CRISP2: variants seen among roughly 807,000 people sequenced by gnomAD.
CRISP2 encodes the protein cysteine rich secretory protein 2.
CRISP2 carries 29 observed loss-of-function variants against 31.7 expected under a neutral mutation model. That is an observed-to-expected ratio of 0.92 (90% confidence interval 0.68 to 1.25). The LOEUF (loss-of-function observed/expected upper bound fraction) is 1.25, where lower values mean the gene tolerates loss of function less well. Ranked by LOEUF, CRISP2 falls within the 50% of genes most tolerant of loss-of-function variation. The pLI is 0.00. For synonymous variants in CRISP2, 111 were observed against 101.4 expected (o/e 1.09, Z -0.57); for missense variants, 318 against 286.5 (o/e 1.11, Z -0.79).
the CRISP2 span, among the ~76,000 whole-genome samples, chr6:49,680,996 A>C: frequency 6.6e-6 from 1 of 152,212 alleles, no homozygotes; most frequent in Non-Finnish European, 1.5e-5. Flanking sequence ...TCTTTAGTTT[A>C]ATCAGATCCC....
chr6:49,710,814 A>G (rs972830718), intron 3 of CRISP2, among the ~76,000 whole-genome samples: 2 of 152,180 alleles, frequency 1.3e-5, no homozygotes, highest in African/African-American at 4.8e-5. Flanking sequence ...TTCTCAATAC[A>G]AATTTATTAA....
chr6:49,681,359 GT>G, the CRISP2 span, among the ~76,000 whole-genome samples: 1 of 151,990 alleles, frequency 6.6e-6, no homozygotes, highest in African/African-American at 2.4e-5. Flanking sequence ...CTGTTTATCT[GT>G]TTTTGTACTT....
intron 9 of CRISP2, among the ~76,000 whole-genome samples, chr6:49,695,438 T>G (rs185811315): frequency 2.0e-5 from 3 of 152,198 alleles, no homozygotes; most frequent in African/African-American, 7.2e-5. Context: ...TTGGCGTGCC[T>G]GTCTAGACTG....
At chr6:49,694,382 G>C (rs1306369752) in intron 9 of CRISP2, among the ~76,000 whole-genome samples, 3 of 152,180 alleles carry the variant, frequency 2.0e-5, no homozygotes, top group Non-Finnish European at 4.4e-5. Flanking sequence ...ACTTGAGTCT[G>C]TCCCACTGGG....
downstream of CRISP2, among the ~76,000 whole-genome samples, chr6:49,689,094 C>T (rs1323338661): frequency 1.3e-5 from 2 of 152,010 alleles, no homozygotes; most frequent in Non-Finnish European, 2.9e-5. Context: ...CTGACCTGAT[C>T]CTGACCTCAG....
intron 8 of CRISP2, among the ~76,000 whole-genome samples, chr6:49,697,438 G>C (rs555739373): frequency 6.6e-6 from 1 of 151,966 alleles, no homozygotes; most frequent in South Asian, 2.1e-4. Context: ...TACATAAGCA[G>C]AAGTAGGAAT....
chr6:49,688,159 T>A (rs1763944578), downstream of CRISP2, among the ~76,000 whole-genome samples: 1 of 152,200 alleles, frequency 6.6e-6, no homozygotes, highest in Non-Finnish European at 1.5e-5. Flanking sequence ...AGTCTTACTG[T>A]TCACTCTTAG....
the CRISP2 span, among the ~76,000 whole-genome samples, chr6:49,677,665 T>A: frequency 6.6e-6 from 1 of 152,162 alleles, no homozygotes; most frequent in Non-Finnish European, 1.5e-5. Context: ...TCCTTATGTA[T>A]CTATTCATTA....
the CRISP2 span, among the ~76,000 whole-genome samples, chr6:49,682,573 TTTTCTTTCTTTCTTTTTCTTTC>T: frequency 2.5e-4 from 26 of 105,884 alleles, no homozygotes; most frequent in Non-Finnish European, 3.2e-4. Flanking sequence ...CTTTCTTTCT[TTTTCTTTCTTTCTTTTTCTTTC>T]TTTCTTTCTT....
intron 4 of CRISP2, among the ~76,000 whole-genome samples, chr6:49,702,702 C>T (rs1482352062): frequency 6.6e-6 from 1 of 151,874 alleles, no homozygotes; most frequent in Non-Finnish European, 1.5e-5. Context: ...GGATATTAGT[C>T]CTTAGTTGGA....
In CRISP2 at chr6:49,700,862, G is replaced by C. The variant is rs986453175; in HGVS notation, c.67-78C>G. Reference sequence around the variant, plus strand: ...TAATAGTGAATAAGTTAATTCAAGAGAACAAAGGTCACTTTAAAAAGTGCA... The same window carrying C: ...TAATAGTGAATAAGTTAATTCAAGACAACAAAGGTCACTTTAAAAAGTGCA... On this transcript the variant is annotated intron_variant, in intron 4 of 9. Transcript: ENST00000339139. 1.1e-5 allele frequency: 10 copies of C among 905,502 alleles called. No homozygotes were observed. The African/African-American group carries it at 1.5e-4, about 14-fold the overall frequency. The allele number at this position is 905,502 out of a possible 1,614,324, so 56.1% of individuals were successfully genotyped here.
At chr6:49,702,499 C>G (rs139878807) in intron 4 of CRISP2, among the ~76,000 whole-genome samples, 1 of 151,918 alleles carries the variant, frequency 6.6e-6, no homozygotes, top group Admixed American at 6.6e-5. Flanking sequence ...TATGGCCTTT[C>G]TTTCAGGAAT....
At chr6:49,696,031 G>T in intron 8 of CRISP2, 107 bp from the exon 9 acceptor site, 1 of 622,262 alleles carries the variant, frequency 1.6e-6, no homozygotes, top group Non-Finnish European at 2.7e-6. Flanking sequence ...TTTTTAGTAT[G>T]TTAACAAAAC....
Position 49,709,118 on chromosome 6 carries a change from A to T in CRISP2, c.66+13T>A. The T allele has an allele frequency of 6.2e-7, 1 of 1,612,976 alleles. No individual in the cohort carries two copies. The highest frequency in any genetic ancestry group is 8.5e-7 in the Non-Finnish European group (1 of 1,179,106). Reference sequence around the variant, plus strand: ...CTGGATAGCTCTGAAAAGATTTTCCATTTTAACCTTACCTTTCCTTCTGCA... The same window carrying T: ...CTGGATAGCTCTGAAAAGATTTTCCTTTTTAACCTTACCTTTCCTTCTGCA... On this transcript the variant is annotated intron_variant, in intron 4 of 9. Transcript: ENST00000339139.
At chr6:49,687,470 T>C (rs1002293303), downstream of CRISP2, among the ~76,000 whole-genome samples, 1 of 152,204 alleles carries the variant, frequency 6.6e-6, no homozygotes, top group African/African-American at 2.4e-5. Context: ...ACTGGAAGCA[T>C]CACATTGAGC....
At chr6:49,694,871 C>T (rs568368271) in intron 9 of CRISP2, among the ~76,000 whole-genome samples, 6 of 151,772 alleles carry the variant, frequency 4.0e-5, no homozygotes, top group Non-Finnish European at 5.9e-5. Context: ...GTAGCTGGGA[C>T]TACAGGCATC....
chr6:49,689,617 C>T (rs802068), downstream of CRISP2, among the ~76,000 whole-genome samples: 89,414 of 151,822 alleles, frequency 0.59, 26,878 homozygotes, highest in East Asian at 0.8. Flanking sequence ...ATAACAATAA[C>T]GCTTTAATCA....
intron 1 of CRISP2, 80 bp downstream of exon 1, chr6:49,713,395 C>A (rs1445791040): frequency 1.3e-5 from 2 of 152,262 alleles, no homozygotes; most frequent in East Asian, 3.9e-4. Flanking sequence ...AACCCCCTCA[C>A]CTCAACGATG....
At chr6:49,679,694 T>A in the CRISP2 span, among the ~76,000 whole-genome samples, 1 of 151,578 alleles carries the variant, frequency 6.6e-6, no homozygotes, top group Non-Finnish European at 1.5e-5. Context: ...TTGTTGTTTT[T>A]TTTTGACATT....
Sources: gnomAD v4.1 joint callset for allele counts (sites outside exome capture counted in the v4.1 genomes callset) on GRCh38, gnomAD v4.1.1 for gene constraint, MANE v1.5 for transcripts, NCBI Gene and HGNC (gene_info 2026-07-23, HGNC 2026-07-21) for gene names.